The following ALK variants were observed in gnomAD, a reference collection of about 807,000 sequenced individuals.
ALK encodes the protein ALK receptor tyrosine kinase.
A neutral mutation model predicts 163.1 loss-of-function variants in ALK; 74 were observed. That is an observed-to-expected ratio of 0.45 (90% CI 0.38 to 0.55). ALK has a LOEUF of 0.55. Among genes scored for constraint, ALK ranks in the 20% least tolerant of loss-of-function variants. The probability of loss-of-function intolerance (pLI) is 0.00; values close to 1 mark genes in which losing one functional copy is unlikely to be tolerated. For missense variants in ALK, 2,063 were observed against 2,105.3 expected (o/e 0.98, Z 0.39); for synonymous variants, 960 against 843.2 (o/e 1.14, Z -2.40).
intron 1 of ALK, among the ~76,000 whole-genome samples, chr2:29,887,200 T>C (rs1345528607): frequency 6.6e-6 from 1 of 152,238 alleles, no homozygotes; most frequent in African/African-American, 2.4e-5. Context: ...TTCTGTTCCA[T>C]GTGGCATGAG....
chr2:29,722,991 C>T (rs1679464023), intron 1 of ALK, among the ~76,000 whole-genome samples: 1 of 152,158 alleles, frequency 6.6e-6, no homozygotes, highest in Non-Finnish European at 1.5e-5. Flanking sequence ...AATTTTACCC[C>T]TTCTCATCTT....
chr2:29,878,833 C>A (rs1037775856), intron 1 of ALK, among the ~76,000 whole-genome samples: 15 of 152,076 alleles, frequency 9.9e-5, no homozygotes, highest in African/African-American at 3.6e-4. Flanking sequence ...GTTACTAGGT[C>A]TAAGAGGAAA....
At chr2:29,314,965 A>G (rs1433559674) in intron 8 of ALK, among the ~76,000 whole-genome samples, 1 of 152,176 alleles carries the variant, frequency 6.6e-6, no homozygotes, top group African/African-American at 2.4e-5. Context: ...AAGTGAGCAC[A>G]TGAAAGCCAC....
chr2:29,444,111 G>A (rs754052925), intron 4 of ALK, among the ~76,000 whole-genome samples: 2 of 152,294 alleles, frequency 1.3e-5, no homozygotes, highest in African/African-American at 4.8e-5. Flanking sequence ...GATTGCCATT[G>A]GAATGTTTAT....
chr2:29,866,845 G>A (rs939104840), intron 1 of ALK, among the ~76,000 whole-genome samples: 3 of 152,152 alleles, frequency 2.0e-5, no homozygotes, highest in Non-Finnish European at 4.4e-5. Context: ...CAGCCTTGTG[G>A]GCAAGGCTCC....
chr2:29,275,642 G>C (rs1225554742), intron 9 of ALK, 146 bp from the exon 10 acceptor site: 18 of 782,352 alleles, frequency 2.3e-5, no homozygotes, highest in Non-Finnish European at 4.0e-5. Flanking sequence ...GGCGAGAGAA[G>C]AGCAGTCAGC....
intron 3 of ALK, among the ~76,000 whole-genome samples, chr2:29,536,563 G>A (rs1371499443): frequency 1.3e-5 from 2 of 152,100 alleles, no homozygotes; most frequent in East Asian, 3.9e-4. Context: ...AGTGACACAA[G>A]CATGGACTAA....
intron 3 of ALK, among the ~76,000 whole-genome samples, chr2:29,556,908 T>C (rs1032062738): frequency 1.3e-5 from 2 of 152,198 alleles, no homozygotes; most frequent in Admixed American, 6.5e-5. Context: ...TGTAGTAAAT[T>C]ATATTTCCAA....
chr2:29,417,687 G>A (rs1370366689), intron 4 of ALK, among the ~76,000 whole-genome samples: 2 of 152,156 alleles, frequency 1.3e-5, no homozygotes, highest in Non-Finnish European at 2.9e-5. Context: ...TCACCAAGTG[G>A]ACGGTTTCCT....
At chr2:29,755,006 G>A (rs919256674) in intron 1 of ALK, among the ~76,000 whole-genome samples, 8 of 152,144 alleles carry the variant, frequency 5.3e-5, no homozygotes, top group African/African-American at 1.9e-4. Flanking sequence ...AGAGCCGGCA[G>A]GAAGCACCGT....
Position 29,533,612 on chromosome 2 carries a change from A to C in ALK, c.953-1496T>G, listed in dbSNP as rs932316100. Reference sequence around the variant, plus strand: ...GGGCAGGAAGGGGAATGAGAGGCACATGGACACCAGACCAAATCCATTTAT... The same window carrying C: ...GGGCAGGAAGGGGAATGAGAGGCACCTGGACACCAGACCAAATCCATTTAT... On this transcript the variant is annotated intron_variant, in intron 3 of 28. Transcript: ENST00000389048. Among the ~76,000 whole-genome samples, 3 of 152,334 alleles carry C rather than the reference A, an allele frequency of 2.0e-5. No homozygotes were observed. In the South Asian group the frequency reaches 6.2e-4, roughly 32 times the overall value.
Position 29,857,805 on chromosome 2 carries a change from A to C in ALK, c.667+62188T>G, listed in dbSNP as rs75441162. Among the ~76,000 whole-genome samples the C allele has an allele frequency of 6.1e-4, 93 of 152,324 alleles. 1 individual carries two copies. The highest frequency in any genetic ancestry group is 2.1e-3 in the African/African-American group (89 of 41,564). On this transcript the variant is annotated intron_variant, in intron 1 of 28. Transcript: ENST00000389048. ...TGAACAGTTCAGTTCAACAAATACCACTAGGCAAGTGTTAGGGCTAGAAGT... is the reference window on the plus strand; with the variant it reads ...TGAACAGTTCAGTTCAACAAATACCCCTAGGCAAGTGTTAGGGCTAGAAGT...
chr2:29,219,827 C>T (rs1669753433), intron 23 of ALK, among the ~76,000 whole-genome samples: 2 of 152,230 alleles, frequency 1.3e-5, no homozygotes, highest in Non-Finnish European at 2.9e-5. Flanking sequence ...CTTGGGATTC[C>T]TGGGTCCACC....
At chr2:29,756,214 T>G (rs564409615) in intron 1 of ALK, among the ~76,000 whole-genome samples, 2 of 152,372 alleles carry the variant, frequency 1.3e-5, no homozygotes, top group African/African-American at 4.8e-5. Context: ...TAAATTGGTC[T>G]TGCTTCATGG....
Position 29,847,617 on chromosome 2 carries a change from T to A in ALK, c.667+72376A>T, listed in dbSNP as rs898686685. The stretch of plus-strand genomic sequence containing the variant: ...AATGAAAAAGACAGAAAGGTGAACA[T>A]GACAATCTAGTTCCAAGAGCCCTAG... On this transcript the variant is annotated intron_variant, in intron 1 of 28. Transcript: ENST00000389048. 2.0e-5 allele frequency among the ~76,000 whole-genome samples: 3 copies of A among 152,090 alleles called. No individual in the cohort carries two copies. In the East Asian group the frequency reaches 5.8e-4, roughly 29 times the overall value.
intron 3 of ALK, among the ~76,000 whole-genome samples, chr2:29,668,153 TTCA>T (rs1677574342): frequency 1.3e-5 from 2 of 152,010 alleles, no homozygotes; most frequent in Non-Finnish European, 2.9e-5. Flanking sequence ...CATTTCTAAT[TTCA>T]TTATTTGAGT....
intron 11 of ALK, among the ~76,000 whole-genome samples, chr2:29,271,007 C>G (rs1428518202): frequency 6.6e-6 from 1 of 152,188 alleles, no homozygotes; most frequent in Admixed American, 6.5e-5. Flanking sequence ...TTTTTCGGAA[C>G]TGGATTAGAA....
chr2:29,779,733 T>C (rs1011889482), intron 1 of ALK, among the ~76,000 whole-genome samples: 10 of 152,214 alleles, frequency 6.6e-5, no homozygotes, highest in Non-Finnish European at 1.3e-4. Flanking sequence ...TTGCCAAATA[T>C]TGGGCTTTAA....
chr2:29,821,610 C>G (rs967244370), intron 1 of ALK, among the ~76,000 whole-genome samples: 1 of 152,170 alleles, frequency 6.6e-6, no homozygotes, highest in Non-Finnish European at 1.5e-5. Flanking sequence ...CCCTGGCCAC[C>G]TTCCCCTGAT....
Sources: gnomAD v4.1 joint callset for allele counts (sites outside exome capture counted in the v4.1 genomes callset) on GRCh38, gnomAD v4.1.1 for gene constraint, MANE v1.5 for transcripts, NCBI Gene and HGNC (gene_info 2026-07-23, HGNC 2026-07-21) for gene names.